Variants in HTR7 observed in about 807,000 individuals in gnomAD.
HTR7 encodes 5-hydroxytryptamine receptor 7.
A neutral mutation model predicts 34.0 loss-of-function variants in HTR7; 16 were observed. The ratio of observed to expected loss-of-function variants is 0.47; its 90% CI spans 0.32 to 0.71. The LOEUF is 0.71. Among genes scored for constraint, HTR7 ranks in the 30% least tolerant of loss-of-function variants. HTR7 has a pLI of 0.04. For missense variants in HTR7, 504 were observed against 625.5 expected (o/e 0.81, Z 2.07); for synonymous variants, 265 against 260.2 (o/e 1.02, Z -0.18).
At chr10:90,830,789 G>GGAA (rs1554858154) in intron 1 of HTR7, among the ~76,000 whole-genome samples, 2 of 83,808 alleles carry the variant, frequency 2.4e-5, no homozygotes, top group African/African-American at 4.4e-5. Context: ...CCCTGTCTCA[G>GGAA]AAAAAAAAAA....
chr10:90,812,165 T>C (rs1291688103), intron 1 of HTR7, among the ~76,000 whole-genome samples: 2 of 152,234 alleles, frequency 1.3e-5, no homozygotes, highest in Non-Finnish European at 2.9e-5. Context: ...AGCTCCTGTA[T>C]AGACGCTCCT....
chr10:90,845,713 G>A (rs1846405433), intron 1 of HTR7, among the ~76,000 whole-genome samples: 1 of 152,180 alleles, frequency 6.6e-6, no homozygotes, highest in Non-Finnish European at 1.5e-5. Flanking sequence ...GAAAGTGTAG[G>A]TGGTGCCCCA....
chr10:90,813,058 A>AC (rs1354130646), intron 1 of HTR7, among the ~76,000 whole-genome samples: 2 of 150,732 alleles, frequency 1.3e-5, no homozygotes, highest in African/African-American at 2.4e-5. Flanking sequence ...GCACCTTGCA[A>AC]CCCCCACTCC....
intron 1 of HTR7, among the ~76,000 whole-genome samples, chr10:90,845,518 G>A (rs1846402200): frequency 6.6e-6 from 1 of 152,170 alleles, no homozygotes; most frequent in South Asian, 2.1e-4. Context: ...TTGACCAGCA[G>A]AGTCACTCAA....
At position 90,857,173 on chromosome 10, in the gene HTR7, T is replaced by G. The variant is rs751740077; in HGVS notation, c.499A>C (p.Thr167Pro). 6.2e-7 allele frequency: 1 copy of G among 1,612,568 alleles called. No homozygotes were observed. The change falls in exon 1 of 4, where the codon ACG becomes CCG. Residue 167 changes from threonine to proline, a missense_variant. By Grantham distance (38) the Thr-to-Pro change is conservative (BLOSUM62 -1). Around this residue, in one of 4 missense-constraint regions of HTR7, gnomAD observed 154 missense variants for 248.8 expected, o/e 0.62. Transcript: ENST00000336152. The surrounding 1 kb of genome is among the most constrained non-coding windows in gnomAD (Gnocchi z 6.5). ...VFIAMDVMCC[T>P]ASIMTLCVIS... ...ACGCACAGGGTCATGATCGAGGCCG[T>G]GCAGCACATGACGTCCATGGCGATG...
At chr10:90,772,152 T>A (rs1265445043) in intron 1 of HTR7, among the ~76,000 whole-genome samples, 2 of 152,116 alleles carry the variant, frequency 1.3e-5, no homozygotes, top group Non-Finnish European at 2.9e-5. Context: ...AAACCCTAGG[T>A]CATAGCAGCA....
chr10:90,837,665 A>C (rs1846273786), intron 1 of HTR7, among the ~76,000 whole-genome samples: 1 of 152,246 alleles, frequency 6.6e-6, no homozygotes, highest in African/African-American at 2.4e-5. Context: ...CTGTTATAAC[A>C]ACAGAAAATG....
intron 1 of HTR7, among the ~76,000 whole-genome samples, chr10:90,856,362 G>A (rs1197057220): frequency 2.0e-5 from 3 of 152,210 alleles, no homozygotes; most frequent in Non-Finnish European, 4.4e-5. Context: ...CTTACAGCCT[G>A]AAGAAACCCT....
intron 1 of HTR7, among the ~76,000 whole-genome samples, chr10:90,759,491 TAAAAATACAAA>T (rs1313718034): frequency 6.8e-6 from 1 of 148,128 alleles, no homozygotes; most frequent in African/African-American, 2.5e-5. Flanking sequence ...CCGTCTCTAC[TAAAAATACAAA>T]AAATTAGCCG....
chr10:90,833,666 G>C (rs1846212099), intron 1 of HTR7, among the ~76,000 whole-genome samples: 1 of 152,006 alleles, frequency 6.6e-6, no homozygotes, highest in Non-Finnish European at 1.5e-5. Flanking sequence ...GTCTCTGGGG[G>C]CCTCCTTCAC....
intron 1 of HTR7, among the ~76,000 whole-genome samples, chr10:90,831,450 G>A (rs1271500684): frequency 1.3e-5 from 2 of 152,128 alleles, no homozygotes; most frequent in Non-Finnish European, 2.9e-5. Flanking sequence ...GAGTGAAGCT[G>A]CAAATCTTCG....
chr10:90,777,480 C>CAAAA (rs1187256524), intron 1 of HTR7, among the ~76,000 whole-genome samples: 8 of 50,620 alleles, frequency 1.6e-4, no homozygotes, highest in African/African-American at 4.8e-4. Flanking sequence ...GACTCCGTCT[C>CAAAA]AAAAAAAAAA....
chr10:90,742,583 G>T, intron 3 of HTR7, 55 bp from the exon 4 acceptor site: 3 of 1,292,834 alleles, frequency 2.3e-6, no homozygotes, highest in Non-Finnish European at 3.3e-6. Context: ...GTAAATGTGA[G>T]TTTTCATTTT....
At chr10:90,764,186 G>A (rs371561292) in intron 1 of HTR7, among the ~76,000 whole-genome samples, 1 of 152,116 alleles carries the variant, frequency 6.6e-6, no homozygotes, top group Non-Finnish European at 1.5e-5. Context: ...TTGTGGTTTT[G>A]ATTTGCATTT....
chr10:90,800,680 T>C (rs1845611731), intron 1 of HTR7, among the ~76,000 whole-genome samples: 9 of 152,196 alleles, frequency 5.9e-5, no homozygotes, highest in Admixed American at 5.9e-4. Flanking sequence ...ACGTAAAATG[T>C]AGATTTACTG....
At chr10:90,827,147 G>A (rs1846090660) in intron 1 of HTR7, among the ~76,000 whole-genome samples, 2 of 150,128 alleles carry the variant, frequency 1.3e-5, no homozygotes, top group Admixed American at 6.6e-5. Context: ...AAAGAAGGAA[G>A]AGAAGAACAC....
intron 1 of HTR7, among the ~76,000 whole-genome samples, chr10:90,828,444 A>T (rs1447470984): frequency 6.6e-6 from 1 of 152,126 alleles, no homozygotes; most frequent in African/African-American, 2.4e-5. Context: ...ACATAAACAA[A>T]CTTGACAAAC....
chr10:90,806,456 G>C (rs187969372), intron 1 of HTR7, among the ~76,000 whole-genome samples: 1 of 151,998 alleles, frequency 6.6e-6, no homozygotes, highest in East Asian at 1.9e-4. Flanking sequence ...AAAATTAGCC[G>C]GGCGTGGTGG....
rs771970509 is a variant in HTR7 at position 90,749,363 on chromosome 10, G to A, written c.771C>T (p.Phe257=). Reference sequence around the variant, plus strand: ...CAGCCTTGTAAATCTGGTAGTACATGAAAAGCATGACGGACATGGGGATAT... The same window carrying A: ...CAGCCTTGTAAATCTGGTAGTACATAAAAAGCATGACGGACATGGGGATAT... ...AFYIPMSVML[F]MYYQIYKAAR... is the part of the protein sequence containing the mutation. The change falls in exon 2 of 4, where the codon TTC becomes TTT. Residue 257 remains phenylalanine (F), a synonymous_variant. Transcript: ENST00000336152. This position sits in a 1 kb window ranked among gnomAD's most constrained non-coding sequence, Gnocchi z 4.2. 6.8e-6 allele frequency: 11 copies of A among 1,614,096 alleles called. No homozygotes were observed. Among genetic ancestry groups the A allele is most frequent in the Admixed American group, 1.7e-5 (1 of 59,994 alleles).
Sources: allele counts gnomAD v4.1 joint callset (sites outside exome capture counted in the v4.1 genomes callset), GRCh38; gene constraint gnomAD v4.1.1; regional missense constraint gnomAD v4.1.1; non-coding constraint Gnocchi (gnomAD v3.1); transcripts MANE v1.5; gene names NCBI Gene and HGNC (gene_info 2026-07-23, HGNC 2026-07-21).